The following MROH7 variants were observed in gnomAD, a reference collection of about 807,000 sequenced individuals.
MROH7 encodes the protein maestro heat like repeat family member 7.
Under a neutral mutation model 129.2 loss-of-function variants are expected in MROH7, and 113 were observed. The ratio of observed to expected loss-of-function variants is 0.87; its 90% CI spans 0.75 to 1.02. The LOEUF is 1.02. Ranked by LOEUF, MROH7 falls within the 50% of genes least tolerant of loss-of-function variation. The pLI is 0.00. For missense variants in MROH7, 1,601 were observed against 1,671.3 expected, an observed-to-expected ratio of 0.96 and a Z score of 0.73; for synonymous variants, 655 against 667.9, an observed-to-expected ratio of 0.98 and a Z score of 0.30.
In MROH7 at chr1:54,680,157, C is replaced by A. The variant is rs1557711913; in HGVS notation, c.2381+112C>A. ...TAAGCCCCTCGCCCTCCCAGATGGC[C>A]CCCCTTCTGTGATCTGGGGTGTTTA... On this transcript the variant is annotated intron_variant, in intron 13 of 23. Coordinates refer to ENST00000421030, the MANE Select transcript of MROH7 (RefSeq NM_001039464.4). The A allele has an allele frequency of 6.3e-6, 6 of 945,158 alleles. No homozygotes were observed. In the East Asian group the frequency reaches 9.7e-5, roughly 15 times the overall value. 58.5% of individuals were successfully genotyped at this position (945,158 alleles called of 1,614,324 possible).
chr1:54,692,957 C>T (rs1645262982), intron 16 of MROH7, among the ~76,000 whole-genome samples: 1 of 152,164 alleles, frequency 6.6e-6, no homozygotes, highest in South Asian at 2.1e-4. Context: ...AGTTACTTCC[C>T]TCTGAGTCTC....
chr1:54,674,522 G>T (rs1557707367), intron 10 of MROH7, among the ~76,000 whole-genome samples: 1 of 152,148 alleles, frequency 6.6e-6, no homozygotes, highest in Non-Finnish European at 1.5e-5. Flanking sequence ...GAAGGGCAGG[G>T]CTGTATCTTG....
chr1:54,697,685 G>A (rs1645345402), intron 17 of MROH7: 1 of 703,406 alleles, frequency 1.4e-6, no homozygotes, highest in South Asian at 1.5e-5. Context: ...TGATACTCAT[G>A]CTTAGGTGAG....
In MROH7 at chr1:54,670,512, G is replaced by A. The variant is rs756969052; in HGVS notation, c.1405G>A (p.Glu469Lys). 1.9e-6 allele frequency: 3 copies of A among 1,613,840 alleles called. No individual in the cohort carries two copies. The South Asian group carries it at 3.3e-5, about 18-fold the overall frequency. ...CCCTGTCCAGAGGCAGATCCAGGAGGAGCCACTGGATTCTCTCTCAAGCTC... is the reference window on the plus strand; with the variant it reads ...CCCTGTCCAGAGGCAGATCCAGGAGAAGCCACTGGATTCTCTCTCAAGCTC... The part of the protein sequence containing the change: ...IKKIMRQIQE[E>K]PLDSLSSSVR... Residue 469 changes from glutamate to lysine, a missense_variant, in exon 6 of 24, where the codon GAG (glutamate) becomes AAG (lysine). Coordinates refer to ENST00000421030, the MANE Select transcript of MROH7 (RefSeq NM_001039464.4).
intron 21 of MROH7, among the ~76,000 whole-genome samples, chr1:54,705,851 T>C (rs1180975): frequency 0.19 from 29,599 of 152,072 alleles, 3,002 homozygotes; most frequent in East Asian, 0.32. Context: ...AGATTTCTCA[T>C]CTTCTCCCTC....
At chr1:54,677,546 C>T (rs773660904) in intron 10 of MROH7, among the ~76,000 whole-genome samples, 5 of 152,236 alleles carry the variant, frequency 3.3e-5, no homozygotes, top group Non-Finnish European at 5.9e-5. Context: ...GGCCCCCTGA[C>T]TGTAGGAAGC....
rs552470306 is a variant in MROH7 at position 54,666,402 on chromosome 1, T to TTA, written c.1305+1165_1305+1166dup. On this transcript the variant is annotated intron_variant, in intron 4 of 23. Transcript: ENST00000421030. ...GGGGCTTGGATCCTGGCAAAACAGG[T>TTA]TATAGGAGGCGGGAGAAGAGGAATT... Among the ~76,000 whole-genome samples the TTA allele has an allele frequency of 5.7e-4, 84 of 148,292 alleles. 1 individual carries two copies. In the South Asian group the frequency reaches 0.018, roughly 32 times the overall value.
At chr1:54,665,503 G>T (rs1318281946) in intron 4 of MROH7, 9 of 356,236 alleles carry the variant, frequency 2.5e-5, no homozygotes, top group Non-Finnish European at 4.6e-5. Context: ...ACCTAGAACG[G>T]TGCCTGGCAC....
intron 5 of MROH7, among the ~76,000 whole-genome samples, chr1:54,669,950 G>T (rs1644868819): frequency 2.0e-5 from 3 of 149,538 alleles, no homozygotes; most frequent in Non-Finnish European, 2.9e-5. Context: ...GTTGCAGTGA[G>T]CCGAGATTGT....
At chr1:54,643,733 G>C (rs1287092129) in intron 1 of MROH7, among the ~76,000 whole-genome samples, 2 of 152,096 alleles carry the variant, frequency 1.3e-5, no homozygotes, top group Admixed American at 6.6e-5. Flanking sequence ...GTCACATAAG[G>C]GTTACAAGAG....
Position 54,653,107 on chromosome 1 carries a change from C to A in MROH7, c.181C>A (p.Leu61Ile), listed in dbSNP as rs1644583330. 1 of 1,614,072 alleles carries A rather than the reference C, an allele frequency of 6.2e-7. No homozygotes were observed. Among genetic ancestry groups the A allele is most frequent in the Non-Finnish European group, 8.5e-7 (1 of 1,180,044 alleles). ...PSPGLALVPD[L>I]NDSLSPVSGE... ...TCCTGGCTTGGCTCTCGTTCCAGAT[C>A]TTAATGATTCTTTGAGTCCAGTCTC... Residue 61 changes from leucine (L) to isoleucine (I), a missense_variant, in exon 3 of 24, where the codon CTT becomes ATT. Physicochemically the swap from Leu to Ile is conservative, Grantham distance 5. Coordinates refer to ENST00000421030, the MANE Select transcript of MROH7 (RefSeq NM_001039464.4).
At position 54,679,397 on chromosome 1, in the gene MROH7, C is replaced by G. The variant is rs753849831; in HGVS notation, c.2184C>G (p.Leu728=). 6.2e-7 allele frequency: 1 copy of G among 1,614,052 alleles called. No homozygotes were observed. Among genetic ancestry groups the G allele is most frequent in the Admixed American group, 1.7e-5 (1 of 60,026 alleles). Residue 728 remains leucine, a synonymous_variant, in exon 12 of 24, where the codon CTC becomes CTG. Transcript: ENST00000421030. ...EMMQLASEVM[L]SSVLEWYRHR... ...TGCAGCTGGCCTCGGAGGTCATGCT[C>G]AGCTCGGTGCTGGAGTGGTACCGCC...
At chr1:54,648,786 G>T (rs1376167857) in intron 1 of MROH7, among the ~76,000 whole-genome samples, 1 of 152,176 alleles carries the variant, frequency 6.6e-6, no homozygotes, top group East Asian at 1.9e-4. Context: ...TCAAAACAAT[G>T]GGAACTGGAG....
chr1:54,699,159 T>TTTCTTTCTTTTTC (rs71048705), intron 17 of MROH7: 3 of 65,920 alleles, frequency 4.6e-5, no homozygotes, highest in South Asian at 6.4e-4. Context: ...TCTTTCTTTC[T>TTTCTTTCTTTTTC]TTTCTTTCTT....
intron 9 of MROH7, 61 bp downstream of exon 9, chr1:54,673,866 C>A (rs991546724): frequency 1.9e-5 from 29 of 1,533,304 alleles, no homozygotes; most frequent in African/African-American, 4.1e-5. Context: ...TCTGAAGGAG[C>A]CCGTACCTCT....
chr1:54,681,922 C>T (rs915476516), intron 13 of MROH7, among the ~76,000 whole-genome samples: 1 of 152,180 alleles, frequency 6.6e-6, no homozygotes, highest in Non-Finnish European at 1.5e-5. Context: ...AATTTCACCT[C>T]TCTGAGCCTC....
intron 14 of MROH7, among the ~76,000 whole-genome samples, chr1:54,685,513 A>G (rs562237847): frequency 1.3e-5 from 2 of 150,522 alleles, no homozygotes; most frequent in South Asian, 4.2e-4. Flanking sequence ...TTGTGACACC[A>G]GCCCATCACC....
chr1:54,670,985 A>C, intron 7 of MROH7, 56 bp downstream of exon 7: 1 of 1,527,006 alleles, frequency 6.5e-7, no homozygotes, highest in Non-Finnish European at 8.8e-7. Context: ...CTGGGAGGAG[A>C]TATGGAGCTG....
chr1:54,684,347 G>A (rs780237330), intron 14 of MROH7, among the ~76,000 whole-genome samples: 19 of 152,152 alleles, frequency 1.2e-4, no homozygotes, highest in Non-Finnish European at 2.4e-4. Context: ...CAAATCCTGC[G>A]CTTCACTCCC....
Sources: gnomAD v4.1 joint callset for allele counts (sites outside exome capture counted in the v4.1 genomes callset) on GRCh38, gnomAD v4.1.1 for gene constraint, MANE v1.5 for transcripts, NCBI Gene and HGNC (gene_info 2026-07-23, HGNC 2026-07-21) for gene names.